OPCML: variants seen among roughly 807,000 people sequenced by gnomAD.
The protein encoded by OPCML is opioid-binding protein/cell adhesion molecule.
In OPCML, 13 loss-of-function variants were observed where a neutral mutation model predicts 37.8. That is an observed-to-expected ratio of 0.34 (90% CI 0.22 to 0.55). The LOEUF is 0.55. Among genes scored for constraint, OPCML ranks in the 20% least tolerant of loss-of-function variants. The probability of loss-of-function intolerance (pLI) is 0.91; values close to 1 mark genes in which losing one functional copy is unlikely to be tolerated. For missense variants in OPCML, 341 were observed against 435.6 expected (o/e 0.78, Z 1.93); for synonymous variants, 176 against 168.8 (o/e 1.04, Z -0.33).
intron 1 of OPCML, among the ~76,000 whole-genome samples, chr11:133,452,004 CTGT>C (rs1420689887): frequency 6.6e-6 from 1 of 151,248 alleles, no homozygotes; most frequent in Non-Finnish European, 1.5e-5. Context: ...GCCACATTAA[CTGT>C]CTGCTAAAAC....
chr11:133,201,369 C>G (rs940586296), intron 1 of OPCML, among the ~76,000 whole-genome samples: 1 of 149,180 alleles, frequency 6.7e-6, no homozygotes, highest in Non-Finnish European at 1.5e-5. Flanking sequence ...GCCTTTTAGT[C>G]TACATTTCTA....
intron 3 of OPCML, among the ~76,000 whole-genome samples, chr11:132,634,231 C>T (rs965381482): frequency 6.6e-6 from 1 of 152,138 alleles, no homozygotes; most frequent in African/African-American, 2.4e-5. Flanking sequence ...GGTATTCGAG[C>T]TTCTTTAGAG....
At chr11:132,581,872 G>T (rs1259635890) in intron 3 of OPCML, among the ~76,000 whole-genome samples, 1 of 151,920 alleles carries the variant, frequency 6.6e-6, no homozygotes, top group Non-Finnish European at 1.5e-5. Context: ...GAATTCCAAG[G>T]CATTCCAGGT....
At chr11:132,726,309 A>G (rs79951043) in intron 2 of OPCML, among the ~76,000 whole-genome samples, 9,557 of 152,210 alleles carry the variant, frequency 0.063, 682 homozygotes, top group African/African-American at 0.18. Flanking sequence ...CATGGATGGC[A>G]GCAGGCAAAG....
intron 3 of OPCML, among the ~76,000 whole-genome samples, chr11:132,642,655 G>A (rs1332898262): frequency 2.0e-5 from 3 of 152,128 alleles, no homozygotes; most frequent in African/African-American, 2.4e-5. Context: ...ACCTAGCAGT[G>A]GAAAACAAAT....
chr11:132,771,816 C>T (rs1198491423), intron 2 of OPCML: 1 of 152,236 alleles, frequency 6.6e-6, no homozygotes, highest in Non-Finnish European at 1.5e-5. Context: ...CAAGGTGACT[C>T]TTCAGGAAGG....
intron 4 of OPCML, among the ~76,000 whole-genome samples, chr11:132,516,494 C>G (rs951016926): frequency 6.6e-6 from 1 of 152,008 alleles, no homozygotes; most frequent in African/African-American, 2.4e-5. Flanking sequence ...ACTTTTTGAT[C>G]GCCTGCAAAA....
chr11:133,258,899 A>G (rs1941406932), intron 1 of OPCML, among the ~76,000 whole-genome samples: 1 of 152,184 alleles, frequency 6.6e-6, no homozygotes, highest in Non-Finnish European at 1.5e-5. Context: ...GCTTTTCAAG[A>G]AAAAAACTGC....
intron 1 of OPCML, chr11:133,439,306 T>C (rs1209507054): frequency 9.2e-6 from 9 of 980,412 alleles, no homozygotes; most frequent in Admixed American, 6.2e-5. Context: ...TTTTTTTTTT[T>C]TTAAAGCCAA....
chr11:133,507,077 T>C (rs1948048992), intron 1 of OPCML, among the ~76,000 whole-genome samples: 1 of 152,210 alleles, frequency 6.6e-6, no homozygotes, highest in South Asian at 2.1e-4. Context: ...TGTCTATTTC[T>C]CCCTTGCTCC....
intron 1 of OPCML, among the ~76,000 whole-genome samples, chr11:133,240,298 T>C (rs1407405475): frequency 6.6e-6 from 1 of 150,926 alleles, no homozygotes; most frequent in African/African-American, 2.4e-5. Flanking sequence ...GTATCCATAA[T>C]GTTGTATTTA....
chr11:132,566,951 ACAACAT>A (rs11277167), intron 3 of OPCML, among the ~76,000 whole-genome samples: 106,868 of 150,728 alleles, frequency 0.71, 38,614 homozygotes, highest in African/African-American at 0.81. Context: ...GCATACGGCA[ACAACAT>A]CAACATCAGT....
At chr11:133,250,709 A>G (rs1941103858) in intron 1 of OPCML, among the ~76,000 whole-genome samples, 2 of 152,240 alleles carry the variant, frequency 1.3e-5, no homozygotes, top group African/African-American at 4.8e-5. Flanking sequence ...TTTACCAAGA[A>G]CCACATTAGG....
chr11:132,792,968 G>C (rs1175651738), intron 2 of OPCML, among the ~76,000 whole-genome samples: 1 of 152,206 alleles, frequency 6.6e-6, no homozygotes, highest in Non-Finnish European at 1.5e-5. Flanking sequence ...CAGCCGGATA[G>C]AGCGCCATTT....
intron 2 of OPCML, among the ~76,000 whole-genome samples, chr11:132,886,970 T>C (rs1943447073): frequency 6.6e-6 from 1 of 152,134 alleles, no homozygotes; most frequent in South Asian, 2.1e-4. Flanking sequence ...TTCAAGCCAC[T>C]GAGCATCTCA....
intron 1 of OPCML, among the ~76,000 whole-genome samples, chr11:133,277,851 G>A (rs1046311797): frequency 6.6e-6 from 1 of 152,046 alleles, no homozygotes; most frequent in African/African-American, 2.4e-5. Flanking sequence ...CCATAAGATA[G>A]GCATTATTGT....
At chr11:132,693,125 C>T (rs1380780082) in intron 2 of OPCML, among the ~76,000 whole-genome samples, 1 of 152,164 alleles carries the variant, frequency 6.6e-6, no homozygotes, top group Non-Finnish European at 1.5e-5. Flanking sequence ...TACTAATTAT[C>T]TTCAAAACAG....
chr11:132,524,546 T>C (rs1462126742), intron 4 of OPCML, among the ~76,000 whole-genome samples: 1 of 152,156 alleles, frequency 6.6e-6, no homozygotes, highest in Admixed American at 6.5e-5. Flanking sequence ...GAATACACAG[T>C]CAAAAGTTCA....
In OPCML at chr11:132,508,208, C is replaced by G. The variant is rs564122079; in HGVS notation, c.505+20853G>C. Among the ~76,000 whole-genome samples the G allele has an allele frequency of 1.2e-4, 18 of 152,230 alleles. 1 individual carries two copies. In the South Asian group the frequency reaches 3.5e-3, roughly 30 times the overall value. On this transcript the variant is annotated intron_variant, in intron 4 of 7. Transcript: ENST00000524381. ...TTTCAGAAAATAAATAAAGGGAAAA[C>G]ATGTCCCAACTCATTTTATGAGGCC...
Sources: gnomAD v4.1 joint callset for allele counts (sites outside exome capture counted in the v4.1 genomes callset) on GRCh38, gnomAD v4.1.1 for gene constraint, MANE v1.5 for transcripts, NCBI Gene and HGNC (gene_info 2026-07-23, HGNC 2026-07-21) for gene names.